SLC7A1: variants seen among roughly 807,000 people sequenced by gnomAD.
SLC7A1 encodes the protein solute carrier family 7 member 1, also known as high affinity cationic amino acid transporter 1.
SLC7A1 carries 10 observed loss-of-function variants against 53.9 expected under a neutral mutation model. The observed-to-expected ratio is 0.19, with a 90% CI of 0.11 to 0.31. SLC7A1 has a LOEUF of 0.31. SLC7A1 is among the 10% of genes least tolerant of loss of function. The pLI, the probability that SLC7A1 is intolerant of heterozygous loss-of-function variation, is 1.00. For missense variants in SLC7A1, 525 were observed against 827.2 expected (o/e 0.63, Z 4.48); for synonymous variants, 342 against 338.7 (o/e 1.01, Z -0.11).
chr13:29,574,880 G>A (rs956883695), intron 1 of SLC7A1, among the ~76,000 whole-genome samples: 2 of 151,972 alleles, frequency 1.3e-5, no homozygotes, highest in Non-Finnish European at 2.9e-5. Flanking sequence ...TCCTGACCTC[G>A]TGATCCACCT....
chr13:29,564,512 C>T (rs1417063502), intron 1 of SLC7A1, among the ~76,000 whole-genome samples: 2 of 152,200 alleles, frequency 1.3e-5, no homozygotes, highest in African/African-American at 2.4e-5. Flanking sequence ...CCACGATGCT[C>T]CATTATTTTC....
At chr13:29,530,973 C>T (rs1007010692) in intron 4 of SLC7A1, among the ~76,000 whole-genome samples, 2 of 152,058 alleles carry the variant, frequency 1.3e-5, no homozygotes, top group Admixed American at 6.5e-5. Flanking sequence ...GAGAAGCCCA[C>T]CCAAGGGGCA....
At chr13:29,561,287 G>C (rs2139151677) in intron 1 of SLC7A1, among the ~76,000 whole-genome samples, 1 of 152,330 alleles carries the variant, frequency 6.6e-6, no homozygotes, top group South Asian at 2.1e-4. Context: ...CTTCCCAGCA[G>C]GAGGTCGACG....
chr13:29,524,356 C>A, intron 5 of SLC7A1, 103 bp from the exon 6 acceptor site: 1 of 1,444,924 alleles, frequency 6.9e-7, no homozygotes. Flanking sequence ...GCAGTCAGCC[C>A]TCCCTGTTAC....
At chr13:29,519,053 G>C (rs1868502300) in intron 9 of SLC7A1, among the ~76,000 whole-genome samples, 1 of 152,202 alleles carries the variant, frequency 6.6e-6, no homozygotes. Flanking sequence ...GCTGAGCTGG[G>C]TTTCACAGGC....
intron 2 of SLC7A1, among the ~76,000 whole-genome samples, chr13:29,546,160 C>T (rs1303153453): frequency 6.6e-6 from 1 of 152,190 alleles, no homozygotes; most frequent in Non-Finnish European, 1.5e-5. Context: ...TCTCCACTGC[C>T]TCGCAAGTGC....
intron 3 of SLC7A1, 91 bp downstream of exon 3, chr13:29,535,728 G>T: frequency 7.7e-7 from 1 of 1,298,426 alleles, no homozygotes; most frequent in Non-Finnish European, 1.1e-6. Context: ...TAACAAGAAT[G>T]ACCTCCCTGT....
At chr13:29,525,742 T>C (rs894439345) in intron 5 of SLC7A1, among the ~76,000 whole-genome samples, 37 of 152,254 alleles carry the variant, frequency 2.4e-4, no homozygotes, top group African/African-American at 8.0e-4. Flanking sequence ...CCCAGAAATG[T>C]ACAAGTGATG....
chr13:29,592,273 A>G (rs930789984), intron 1 of SLC7A1, among the ~76,000 whole-genome samples: 4 of 152,190 alleles, frequency 2.6e-5, no homozygotes, highest in Admixed American at 6.5e-5. Context: ...CCTGACAATA[A>G]CTAGAGGAAA....
chr13:29,541,957 G>A (rs1455533474), intron 2 of SLC7A1, among the ~76,000 whole-genome samples: 1 of 152,004 alleles, frequency 6.6e-6, no homozygotes, highest in East Asian at 1.9e-4. Flanking sequence ...CAGATAAAAA[G>A]TATATCAAAA....
At chr13:29,548,914 A>G (rs1870049448) in intron 2 of SLC7A1, among the ~76,000 whole-genome samples, 1 of 152,216 alleles carries the variant, frequency 6.6e-6, no homozygotes. Flanking sequence ...ATTTTATGGT[A>G]GGTCTTCCTG....
chr13:29,555,209 T>G (rs1181600318), intron 1 of SLC7A1, among the ~76,000 whole-genome samples: 1 of 147,166 alleles, frequency 6.8e-6, no homozygotes, highest in African/African-American at 2.5e-5. Flanking sequence ...ATACAAAAAA[T>G]TAGCCGGGCG....
intron 11 of SLC7A1, chr13:29,516,903 G>C: frequency 2.3e-6 from 1 of 434,908 alleles, no homozygotes; most frequent in Non-Finnish European, 4.0e-6. Context: ...TGTCATGCAG[G>C]AAGGTGTCAG....
Position 29,510,335 on chromosome 13 carries a change from C to A in SLC7A1, c.*4145G>T, listed in dbSNP as rs1883353948. On this transcript the variant is annotated 3_prime_UTR_variant, in exon 13 of 13. Transcript: ENST00000380752. ...GCTGACATTTTTTGCCTTAAAAATA[C>A]ATTAGGAGTCATAAGCGTGATGACA... 1 of 152,564 alleles carries A rather than the reference C, an allele frequency of 6.6e-6. No homozygotes were observed. Among genetic ancestry groups the A allele is most frequent in the Admixed American group, 6.5e-5 (1 of 15,268 alleles). The allele number at this position is 152,564 out of a possible 1,614,324, so 9.5% of individuals were successfully genotyped here. A position where few individuals can be genotyped will look rare whatever the true frequency, so the allele number is the denominator to read the frequency against.
At chr13:29,587,071 G>A (rs1871914131) in intron 1 of SLC7A1, among the ~76,000 whole-genome samples, 1 of 152,178 alleles carries the variant, frequency 6.6e-6, no homozygotes, top group Non-Finnish European at 1.5e-5. Context: ...TGGGGCCGGA[G>A]TAGAAAAAAC....
At chr13:29,518,175 A>G (rs1868446862) in intron 9 of SLC7A1, among the ~76,000 whole-genome samples, 1 of 152,252 alleles carries the variant, frequency 6.6e-6, no homozygotes, top group African/African-American at 2.4e-5. Context: ...GGAAGCAGTA[A>G]TGCCAGGATC....
chr13:29,580,510 G>GAA (rs1871599541), intron 1 of SLC7A1, among the ~76,000 whole-genome samples: 1 of 152,102 alleles, frequency 6.6e-6, no homozygotes, highest in South Asian at 2.1e-4. Flanking sequence ...TCAATGGCTG[G>GAA]CAGAGCCTCC....
chr13:29,518,552 G>C (rs551233069), intron 9 of SLC7A1, among the ~76,000 whole-genome samples: 2 of 152,204 alleles, frequency 1.3e-5, no homozygotes, highest in African/African-American at 4.8e-5. Flanking sequence ...AACCCCACTC[G>C]GTCAATTAAG....
intron 1 of SLC7A1, among the ~76,000 whole-genome samples, chr13:29,594,959 G>C (rs902547623): frequency 1.3e-5 from 2 of 152,006 alleles, no homozygotes; most frequent in African/African-American, 4.8e-5. Context: ...TGGCGGGGCG[G>C]GGTGCTCTGC....
Sources: allele counts gnomAD v4.1 joint callset (sites outside exome capture counted in the v4.1 genomes callset), GRCh38; gene constraint gnomAD v4.1.1; transcripts MANE v1.5; gene names NCBI Gene and HGNC (gene_info 2026-07-23, HGNC 2026-07-21).